The following FAT2 variants were observed in gnomAD, a reference collection of about 807,000 sequenced individuals.
The protein encoded by FAT2 is FAT atypical cadherin 2.
Under a neutral mutation model 295.3 loss-of-function variants are expected in FAT2, and 150 were observed. The observed-to-expected ratio is 0.51, with a 90% CI of 0.44 to 0.58. The LOEUF is 0.58. FAT2 is among the 20% of genes least tolerant of loss of function. The probability of loss-of-function intolerance (pLI) is 0.00; values close to 1 mark genes in which losing one functional copy is unlikely to be tolerated. For synonymous variants in FAT2, 2,026 were observed against 2,150.3 expected, an observed-to-expected ratio of 0.94 and a Z score of 1.60; for missense variants, 4,868 against 5,442.7, an observed-to-expected ratio of 0.89 and a Z score of 3.32.
chr5:151,527,007 T>C (rs1040845806), intron 17 of FAT2, among the ~76,000 whole-genome samples: 2 of 152,258 alleles, frequency 1.3e-5, no homozygotes, highest in Non-Finnish European at 2.9e-5. Context: ...CTACTTCATA[T>C]GGCTGTTATG....
At chr5:151,541,213 G>T (rs1756101758) in intron 10 of FAT2, among the ~76,000 whole-genome samples, 1 of 152,192 alleles carries the variant, frequency 6.6e-6, no homozygotes, top group South Asian at 2.1e-4. Context: ...GAGCACTAGG[G>T]TTTGCTTGTA....
intron 12 of FAT2, among the ~76,000 whole-genome samples, chr5:151,534,926 A>G (rs1250622431): frequency 6.8e-6 from 1 of 146,150 alleles, no homozygotes; most frequent in Non-Finnish European, 1.5e-5. Context: ...CTAACAATAT[A>G]TAAAATGCAT....
At chr5:151,562,240 T>G (rs1758046451) in intron 3 of FAT2, among the ~76,000 whole-genome samples, 1 of 152,208 alleles carries the variant, frequency 6.6e-6, no homozygotes, top group African/African-American at 2.4e-5. Context: ...ATAAAGGGAC[T>G]GCCCGCTCGC....
rs556212190 is a variant in FAT2 at position 151,567,167 on chromosome 5, T to C, written c.1765A>G (p.Ile589Val). The C allele has an allele frequency of 1.1e-5, 17 of 1,614,200 alleles. No individual in the cohort carries two copies. In the South Asian group the frequency reaches 1.4e-4, roughly 14 times the overall value. Residue 589 changes from isoleucine (I) to valine (V), a missense_variant, in exon 2 of 24, where the codon ATA (isoleucine) becomes GTA (valine). Physicochemically the swap from Ile to Val is conservative, Grantham distance 29 (BLOSUM62 3). This residue lies in a region of FAT2 where 3,297 missense variants were observed against 3,669.4 expected (regional missense o/e 0.90). Transcript: ENST00000261800. Reference protein sequence around the residue: ...VGKSIMTMSAIDVDELQNLKY... With the variant: ...VGKSIMTMSAVDVDELQNLKY... Reference sequence around the variant, plus strand: ...AGGTTCTGAAGCTCATCCACATCTATGGCTGACATAGTCATTATCGATTTC... The same window carrying C: ...AGGTTCTGAAGCTCATCCACATCTACGGCTGACATAGTCATTATCGATTTC...
Position 151,517,730 on chromosome 5 carries a change from G to T in FAT2, c.11353C>A (p.Arg3785=). Residue 3785 remains arginine, a synonymous_variant, in exon 20 of 24, where the codon CGG becomes AGG. Transcript: ENST00000261800. ...ATRFSGQSYV[R]YRAPAARNWH... is the part of the protein sequence containing the mutation. ...TTCCGAGCCGCTGGGGCCCTGTACC[G>T]CACATAGCTCTGACCACTGAACCTT... is the stretch of plus-strand genomic sequence containing the variant. 6.2e-7 allele frequency: 1 copy of T among 1,614,156 alleles called. No homozygotes were observed. The highest frequency in any genetic ancestry group is 1.1e-5 in the South Asian group (1 of 91,072).
Position 151,568,257 on chromosome 5 carries a change from G to A in FAT2, c.675C>T (p.Asp225=). 1 of 1,614,176 alleles carries A rather than the reference G, an allele frequency of 6.2e-7. No individual in the cohort carries two copies. Among genetic ancestry groups the A allele is most frequent in the Non-Finnish European group, 8.5e-7 (1 of 1,180,020 alleles). Residue 225 remains aspartate, a synonymous_variant, in exon 2 of 24, where the codon GAC becomes GAT. Transcript: ENST00000261800. ...GKHELQVLAV[D]RMRKISEGNG... is the part of the protein sequence containing the mutation. ...TGCCCTCAGAGATTTTCCGCATGCG[G>A]TCCACAGCTAGCACCTGGAGCTCAT...
chr5:151,516,561 C>T (rs1209965294), intron 20 of FAT2, among the ~76,000 whole-genome samples: 1 of 152,102 alleles, frequency 6.6e-6, no homozygotes, highest in East Asian at 1.9e-4. Flanking sequence ...CCCCTGATGC[C>T]CCTCCATTTT....
intron 22 of FAT2, 150 bp downstream of exon 22, chr5:151,509,870 TG>T: frequency 2.4e-6 from 2 of 845,018 alleles, no homozygotes; most frequent in Middle Eastern, 3.8e-4. Flanking sequence ...CCAAAAAGGT[TG>T]GGGACCACTG....
chr5:151,586,045 T>G (rs1383405246), intron 1 of FAT2, among the ~76,000 whole-genome samples: 1 of 152,236 alleles, frequency 6.6e-6, no homozygotes, highest in Admixed American at 6.5e-5. Context: ...TAGCCATCTC[T>G]ACCGCTTCCT....
At chr5:151,561,260 C>T (rs149714101) in intron 3 of FAT2, among the ~76,000 whole-genome samples, 115 of 152,226 alleles carry the variant, frequency 7.6e-4, no homozygotes, top group African/African-American at 2.4e-3. Context: ...TGGAGGGGCC[C>T]GGACTGAGGC....
intron 6 of FAT2, among the ~76,000 whole-genome samples, chr5:151,552,621 A>C (rs1213258229): frequency 2.0e-5 from 3 of 152,248 alleles, no homozygotes; most frequent in Non-Finnish European, 2.9e-5. Flanking sequence ...AGCGTTCGTC[A>C]GATTCCTGAA....
intron 1 of FAT2, among the ~76,000 whole-genome samples, chr5:151,585,785 T>A (rs113492485): frequency 6.6e-5 from 10 of 152,320 alleles, no homozygotes; most frequent in African/African-American, 2.2e-4. Context: ...GCTATAATTC[T>A]CTGAGTCAAT....
Position 151,563,356 on chromosome 5 carries a change from G to T in FAT2, c.3543C>A (p.Tyr1181Ter), listed in dbSNP as rs753318745. Residue 1181 changes from tyrosine (Y) to a stop codon, truncating the protein, a stop_gained, in exon 3 of 24, where the codon TAC (tyrosine) becomes TAA (stop). Coordinates refer to ENST00000261800, the MANE Select transcript of FAT2 (RefSeq NM_001447.3). LOFTEE classifies it high-confidence loss of function. ...KLTFNITSGN[Y>*]MGFFMIHPVT... ...CAGGGTGAATCATAAAGAATCCCAT[G>T]TAGTTCCCACTGGTGATGTTGAAGG... 3.3e-5 allele frequency: 53 copies of T among 1,614,060 alleles called. No individual in the cohort carries two copies. The highest frequency in any genetic ancestry group is 4.4e-5 in the Non-Finnish European group (52 of 1,180,012).
chr5:151,565,657 A>AC lies in FAT2; in HGVS notation c.3259+15dup. ...ACCTCTGGCCCTGGCACCCCACCCTACCCCACCCCCAGTACCTGTATCTTG... is the reference window on the plus strand; with the variant it reads ...ACCTCTGGCCCTGGCACCCCACCCTACCCCCACCCCCAGTACCTGTATCTTG... On this transcript the variant is annotated intron_variant, in intron 2 of 23. Transcript: ENST00000261800. The AC allele has an allele frequency of 8.9e-5, 92 of 1,038,110 alleles. No individual in the cohort carries two copies. The highest frequency in any genetic ancestry group is 1.1e-4 in the Non-Finnish European group (79 of 741,564). 64.3% of individuals were successfully genotyped at this position (1,038,110 alleles called of 1,614,324 possible). A position where few individuals can be genotyped will look rare whatever the true frequency, so the allele number is the denominator to read the frequency against.
upstream of FAT2, among the ~76,000 whole-genome samples, chr5:151,591,535 C>T (rs139842030): frequency 6.4e-3 from 979 of 152,250 alleles, 11 homozygotes; most frequent in Non-Finnish European, 9.6e-3. Context: ...TTGGTTTCAC[C>T]GAGGGATAAA....
chr5:151,528,892 T>C (rs540305845), intron 15 of FAT2, among the ~76,000 whole-genome samples: 1 of 152,276 alleles, frequency 6.6e-6, no homozygotes, highest in Admixed American at 6.5e-5. Flanking sequence ...CTGGGGTCTG[T>C]CTCTTTTTCT....
At chr5:151,506,225 C>T (rs2127563167) in intron 23 of FAT2, 128 bp from the exon 24 acceptor site, 3 of 972,240 alleles carry the variant, frequency 3.1e-6, no homozygotes, top group South Asian at 5.0e-5. Context: ...CCCATCTGTG[C>T]AGGTTGTCTC....
At chr5:151,511,163 G>C (rs754860220) in intron 21 of FAT2, 2 of 152,340 alleles carry the variant, frequency 1.3e-5, no homozygotes, top group African/African-American at 4.8e-5. Flanking sequence ...GACAGCAATG[G>C]GGAAAGAGAG....
rs149409918 is a variant in FAT2, at chr5:151,512,519, C to T, written c.11551G>A (p.Glu3851Lys). The T allele has an allele frequency of 4.4e-5, 71 of 1,614,008 alleles. No homozygotes were observed. The African/African-American group carries it at 8.0e-4, about 18-fold the overall frequency. ...TCCTCCACCAGGATGGAGTGCCACTCGTGGTCATTCACATGGCGCTGGGAG... is the reference window on the plus strand; with the variant it reads ...TCCTCCACCAGGATGGAGTGCCACTTGTGGTCATTCACATGGCGCTGGGAG... ...LSSQRHVNDH[E>K]WHSILVEEMD... Residue 3851 changes from glutamate (E) to lysine (K), a missense_variant, in exon 21 of 24, where the codon GAG (glutamate) becomes AAG (lysine). Transcript: ENST00000261800. This position sits in a 1 kb window ranked among gnomAD's most constrained non-coding sequence, Gnocchi z 4.1.
Sources: gnomAD v4.1 joint callset for allele counts (sites outside exome capture counted in the v4.1 genomes callset) on GRCh38, gnomAD v4.1.1 for gene constraint, gnomAD v4.1.1 regional missense constraint, Gnocchi (gnomAD v3.1) non-coding constraint, MANE v1.5 for transcripts, NCBI Gene and HGNC (gene_info 2026-07-23, HGNC 2026-07-21) for gene names.